The following DNAH14 variants were observed in gnomAD, a reference collection of about 807,000 sequenced individuals.
DNAH14 encodes the protein dynein axonemal heavy chain 14.
In DNAH14, 478 loss-of-function variants were observed where a neutral mutation model predicts 520.9. The ratio of observed to expected loss-of-function variants is 0.92; its 90% confidence interval spans 0.85 to 0.99. The LOEUF (loss-of-function observed/expected upper bound fraction) is 0.99. Ranked by LOEUF, DNAH14 falls within the 50% of genes least tolerant of loss-of-function variation. The probability of loss-of-function intolerance (pLI) is 0.00; values close to 1 mark genes in which losing one functional copy is unlikely to be tolerated. For synonymous variants in DNAH14, 1,581 were observed against 1,757.2 expected (o/e 0.90, Z 2.51); for missense variants, 4,831 against 5,234.5 (o/e 0.92, Z 2.38).
chr1:225,080,415 G>A lies in DNAH14; in HGVS notation c.2803G>A (p.Val935Met), dbSNP rs1206189847. ...TCTTCTGTTATGTGCTGGTACTCAA[G>A]TGTCAACAGCAATGGAAATGATCCA... Reference protein sequence around the residue: ...TPLLLCAGTQVSTAMEMIQTL... With the variant: ...TPLLLCAGTQMSTAMEMIQTL... Residue 935 changes from valine (V) to methionine (M), a missense_variant, in exon 19 of 86, where the codon GTG becomes ATG. By Grantham distance (21) the Val-to-Met change is conservative (BLOSUM62 1). Transcript: ENST00000682510. 1 of 1,549,038 alleles carries A rather than the reference G, an allele frequency of 6.5e-7. No individual in the cohort carries two copies.
rs2058551076 is a variant in DNAH14, at chr1:224,929,745, C to T, written c.-124C>T. ...GCTGTGCTGCGCGGTCCTTCCCATT[C>T]ACCCTAGTCTGGCGCTCGCCGGCGT... On this transcript the variant is annotated 5_prime_UTR_variant, in exon 1 of 86. Coordinates refer to ENST00000682510, the MANE Select transcript of DNAH14 (RefSeq NM_001367479.1). The T allele has an allele frequency of 1.4e-6, 1 of 702,366 alleles. No individual in the cohort carries two copies. The highest frequency in any genetic ancestry group is 2.0e-5 in the Admixed American group (1 of 50,016). The allele number at this position is 702,366 out of a possible 1,614,324, so 43.5% of individuals were successfully genotyped here.
intron 41 of DNAH14, among the ~76,000 whole-genome samples, chr1:225,219,752 T>G (rs914186942): frequency 1.3e-5 from 2 of 151,998 alleles, no homozygotes; most frequent in South Asian, 4.1e-4. Context: ...AGAACCATTT[T>G]TTTCTGAAAT....
intron 41 of DNAH14, among the ~76,000 whole-genome samples, chr1:225,217,479 A>C (rs2089521563): frequency 6.6e-6 from 1 of 151,940 alleles, no homozygotes; most frequent in African/African-American, 2.4e-5. Context: ...CCTTTTTTTC[A>C]GCTATGCCCT....
chr1:225,006,069 T>C (rs2064145652), intron 9 of DNAH14, among the ~76,000 whole-genome samples: 1 of 152,332 alleles, frequency 6.6e-6, no homozygotes, highest in Admixed American at 6.5e-5. Flanking sequence ...AGATAAATAC[T>C]TTTATAATTT....
intron 1 of DNAH14, among the ~76,000 whole-genome samples, chr1:224,946,500 T>C (rs1224977149): frequency 6.6e-6 from 1 of 152,066 alleles, no homozygotes; most frequent in Non-Finnish European, 1.5e-5. Context: ...TTGCTGACAC[T>C]CCCCAGTGAG....
intron 17 of DNAH14, among the ~76,000 whole-genome samples, chr1:225,061,218 T>C (rs2449300): frequency 0.85 from 129,553 of 152,174 alleles, 58,739 homozygotes; most frequent in Non-Finnish European, 1. Context: ...CAATGGCAGG[T>C]GCCCCTCCCC....
intron 36 of DNAH14, among the ~76,000 whole-genome samples, chr1:225,184,983 T>C (rs919298153): frequency 7.9e-5 from 12 of 152,026 alleles, no homozygotes; most frequent in African/African-American, 2.9e-4. Flanking sequence ...TATGCCTCTT[T>C]GCTGATGGTA....
chr1:225,328,604 A>G (rs2094727432), intron 64 of DNAH14, among the ~76,000 whole-genome samples: 1 of 149,152 alleles, frequency 6.7e-6, no homozygotes, highest in Admixed American at 6.8e-5. Context: ...CCTGGACCCT[A>G]ATATAAAAAA....
At chr1:225,193,603 G>A (rs2085731758) in intron 38 of DNAH14, among the ~76,000 whole-genome samples, 1 of 151,992 alleles carries the variant, frequency 6.6e-6, no homozygotes, top group African/African-American at 2.4e-5. Flanking sequence ...ATACTGAGTG[G>A]GGAAAAGCTG....
chr1:224,997,290 G>A (rs187855420), intron 8 of DNAH14, among the ~76,000 whole-genome samples: 2 of 151,884 alleles, frequency 1.3e-5, no homozygotes, highest in African/African-American at 4.9e-5. Context: ...GAAACTGGAT[G>A]TCTGTTTTCT....
rs2072854019 is a variant in DNAH14, at chr1:225,079,611, T to C, written c.2766+63T>C. On this transcript the variant is annotated intron_variant, in intron 18 of 85. Coordinates refer to ENST00000682510, the MANE Select transcript of DNAH14 (RefSeq NM_001367479.1). ...AAAAACTTGATCTTAGTCTCGTAAG[T>C]CCAGGCATTTGGGTATTTGCTTTCA... The C allele has an allele frequency of 2.4e-6, 3 of 1,274,314 alleles. No homozygotes were observed. In the Admixed American group the frequency reaches 9.4e-5, roughly 40 times the overall value. The allele number at this position is 1,274,314 out of a possible 1,614,324, so 78.9% of individuals were successfully genotyped here.
At chr1:225,130,687 G>A (rs1573362991) in intron 27 of DNAH14, among the ~76,000 whole-genome samples, 1 of 96,762 alleles carries the variant, frequency 1.0e-5, no homozygotes, top group Non-Finnish European at 1.9e-5. Flanking sequence ...GGGGGAGGGG[G>A]GAGGGATAGC....
intron 10 of DNAH14, among the ~76,000 whole-genome samples, chr1:225,020,509 A>AAAC (rs1317151714): frequency 6.7e-6 from 1 of 148,904 alleles, no homozygotes; most frequent in African/African-American, 2.5e-5. Context: ...AAAAAAAAAA[A>AAAC]AAAAAAACAA....
chr1:225,354,255 C>T, intron 73 of DNAH14: 1 of 701,914 alleles, frequency 1.4e-6, no homozygotes, highest in South Asian at 1.5e-5. Flanking sequence ...CAATGGCTGA[C>T]CAGCACTGCT....
intron 80 of DNAH14, among the ~76,000 whole-genome samples, chr1:225,381,137 T>C (rs1394995677): frequency 6.6e-6 from 1 of 152,256 alleles, no homozygotes; most frequent in East Asian, 1.9e-4. Flanking sequence ...ATATTGTCTA[T>C]GCATCCACAC....
At chr1:225,289,495 G>A (rs995252052) in intron 54 of DNAH14, among the ~76,000 whole-genome samples, 3 of 152,068 alleles carry the variant, frequency 2.0e-5, no homozygotes, top group African/African-American at 7.2e-5. Context: ...TTCCCCAAAA[G>A]CATTTATTAA....
intron 36 of DNAH14, among the ~76,000 whole-genome samples, chr1:225,179,952 G>T (rs1452224605): frequency 2.6e-5 from 4 of 151,904 alleles, no homozygotes; most frequent in African/African-American, 7.3e-5. Context: ...CCTCTGGCCT[G>T]TAAGGTTTCC....
chr1:225,206,199 T>C lies in DNAH14; in HGVS notation c.6186+20T>C. 1 of 1,520,328 alleles carries C rather than the reference T, an allele frequency of 6.6e-7. No homozygotes were observed. The highest frequency in any genetic ancestry group is 8.9e-7 in the Non-Finnish European group (1 of 1,128,578). The allele number at this position is 1,520,328 out of a possible 1,614,324, so 94.2% of individuals were successfully genotyped here. ...TATATGGTAAGCTTTCAAAAACAAATGTTTTAACAAAGCAAAAATGTTGTT... is the reference window on the plus strand; with the variant it reads ...TATATGGTAAGCTTTCAAAAACAAACGTTTTAACAAAGCAAAAATGTTGTT... On this transcript the variant is annotated intron_variant, in intron 40 of 85. Coordinates refer to ENST00000682510, the MANE Select transcript of DNAH14 (RefSeq NM_001367479.1).
At position 225,303,270 on chromosome 1, in the gene DNAH14, G is replaced by A. The variant is rs371705535; in HGVS notation, c.8746G>A (p.Glu2916Lys). The part of the protein sequence containing the change: ...MISSCTIDWY[E>K]RWPEEALLIV... ...TAGCTCCTGCACGATCGATTGGTAT[G>A]AGAGGTGGCCAGAAGAAGCTCTCCT... The change falls in exon 57 of 86, where the codon GAG (glutamate) becomes AAG (lysine). Residue 2916 changes from glutamate to lysine, a missense_variant. Physicochemically the swap from Glu to Lys is moderately conservative, Grantham distance 56. Transcript: ENST00000682510. 2.7e-5 allele frequency: 42 copies of A among 1,551,412 alleles called. No individual in the cohort carries two copies. In the African/African-American group the frequency reaches 5.2e-4, roughly 19 times the overall value.
Sources: gnomAD v4.1 joint callset for allele counts (sites outside exome capture counted in the v4.1 genomes callset) on GRCh38, gnomAD v4.1.1 for gene constraint, MANE v1.5 for transcripts, NCBI Gene and HGNC (gene_info 2026-07-23, HGNC 2026-07-21) for gene names.